The following ARHGAP39 variants were observed in gnomAD, a reference collection of about 807,000 sequenced individuals.
ARHGAP39 encodes the protein Rho GTPase activating protein 39.
Under a neutral mutation model 106.9 loss-of-function variants are expected in ARHGAP39, and 44 were observed. The observed-to-expected ratio is 0.41, with a 90% confidence interval of 0.32 to 0.53. The LOEUF (loss-of-function observed/expected upper bound fraction) is 0.53, where lower values mean the gene tolerates loss of function less well. Ranked by LOEUF, ARHGAP39 falls within the 20% of genes least tolerant of loss-of-function variation. The probability of loss-of-function intolerance (pLI) is 0.21; values close to 1 mark genes in which losing one functional copy is unlikely to be tolerated. For synonymous variants in ARHGAP39, 768 were observed against 693.2 expected (o/e 1.11, Z -1.69); for missense variants, 1,496 against 1,577.3 (o/e 0.95, Z 0.87).
chr8:144,573,145 C>A (rs1439532515), intron 3 of ARHGAP39, among the ~76,000 whole-genome samples: 1 of 152,226 alleles, frequency 6.6e-6, no homozygotes, highest in East Asian at 1.9e-4. Context: ...AAAAAAGACA[C>A]ATGCACATGT....
At chr8:144,530,903 G>A (rs1237777932) in intron 10 of ARHGAP39, 32 bp from the exon 11 acceptor site, 4 of 1,584,900 alleles carry the variant, frequency 2.5e-6, no homozygotes, top group African/African-American at 1.3e-5. Context: ...CAGCGGCCCT[G>A]CTCGGCGGGC....
In ARHGAP39 at chr8:144,581,237, G is replaced by A; in HGVS notation, c.121C>T (p.Arg41Cys). Residue 41 changes from arginine to cysteine, a missense_variant, in exon 3 of 12, where the codon CGC (arginine) becomes TGC (cysteine). Transcript: ENST00000377307. The stretch of plus-strand genomic sequence containing the variant: ...CCGGTGACCAGGTTGGCGTACATGC[G>A]CTCGCGGGTGCGCGGTTCGATGATC... Reference protein sequence around the residue: ...VEIIEPRTRERMYANLVTGEC... With the variant: ...VEIIEPRTRECMYANLVTGEC... The A allele has an allele frequency of 6.4e-7, 1 of 1,553,584 alleles. No homozygotes were observed.
intron 1 of ARHGAP39, among the ~76,000 whole-genome samples, chr8:144,669,419 A>C (rs1285179027): frequency 1.4e-5 from 2 of 144,158 alleles, no homozygotes; most frequent in African/African-American, 2.6e-5. Context: ...AGGCAGGAGA[A>C]TAGCGTGAAC....
intron 1 of ARHGAP39, among the ~76,000 whole-genome samples, chr8:144,666,666 CTA>C (rs1821973019): frequency 6.6e-6 from 1 of 152,184 alleles, no homozygotes; most frequent in Non-Finnish European, 1.5e-5. Flanking sequence ...TCACCTCCCG[CTA>C]TGATTCTGAG....
chr8:144,557,202 A>G (rs1206014678), intron 3 of ARHGAP39, among the ~76,000 whole-genome samples: 1 of 145,518 alleles, frequency 6.9e-6, no homozygotes, highest in Non-Finnish European at 1.5e-5. Flanking sequence ...CCTTCGTAGT[A>G]TTCAGAGGCA....
chr8:144,581,310 C>G, intron 2 of ARHGAP39, 33 bp from the exon 3 acceptor site: 1 of 1,510,884 alleles, frequency 6.6e-7, no homozygotes. Context: ...CGGCTGGAGC[C>G]ACGGCGGCCT....
intron 2 of ARHGAP39, among the ~76,000 whole-genome samples, chr8:144,598,052 G>C (rs1819689298): frequency 6.6e-6 from 1 of 152,254 alleles, no homozygotes; most frequent in Non-Finnish European, 1.5e-5. Context: ...CCACCCGCCA[G>C]CAGGGAAGGA....
chr8:144,553,980 G>C (rs752432252), intron 4 of ARHGAP39, among the ~76,000 whole-genome samples: 1 of 152,272 alleles, frequency 6.6e-6, no homozygotes, highest in African/African-American at 2.4e-5. Context: ...TGCAGCTGCT[G>C]GCCCTGTGTC....
At chr8:144,631,579 G>A (rs931372708) in intron 1 of ARHGAP39, among the ~76,000 whole-genome samples, 2 of 152,242 alleles carry the variant, frequency 1.3e-5, no homozygotes, top group African/African-American at 4.8e-5. Flanking sequence ...GTTGGTCTGT[G>A]TCATTCCTGT....
At chr8:144,583,483 G>T (rs1265871087) in intron 2 of ARHGAP39, among the ~76,000 whole-genome samples, 1 of 152,094 alleles carries the variant, frequency 6.6e-6, no homozygotes, top group Non-Finnish European at 1.5e-5. Flanking sequence ...GCCCACTAAG[G>T]TTCCCCACCG....
At chr8:144,674,115 C>T (rs1822171060) in intron 1 of ARHGAP39, among the ~76,000 whole-genome samples, 1 of 150,954 alleles carries the variant, frequency 6.6e-6, no homozygotes, top group Non-Finnish European at 1.5e-5. Context: ...TTACCTGCAA[C>T]GTGGTGAGTG....
rs777280521 is a variant in ARHGAP39, at chr8:144,585,454, G to A, written c.81-4177C>T. Among the ~76,000 whole-genome samples the A allele has an allele frequency of 3.3e-5, 5 of 151,562 alleles. No individual in the cohort carries two copies. Among genetic ancestry groups the A allele is most frequent in the Admixed American group, 6.6e-5 (1 of 15,224 alleles). ...AGCACCGGCTCACCGAGAACCTGGA[G>A]GGGCCAGCCAAGGGTTCCCAGCACT... On this transcript the variant is annotated intron_variant, in intron 2 of 11. Coordinates refer to ENST00000377307, the MANE Select transcript of ARHGAP39 (RefSeq NM_025251.3). The surrounding 1 kb of genome is among the most constrained non-coding windows in gnomAD (Gnocchi z 4.6).
At chr8:144,617,706 G>A (rs1563710502) in intron 1 of ARHGAP39, among the ~76,000 whole-genome samples, 1 of 152,114 alleles carries the variant, frequency 6.6e-6, no homozygotes, top group African/African-American at 2.4e-5. Context: ...CTCTCACCTG[G>A]CTTTGTTGGT....
intron 1 of ARHGAP39, among the ~76,000 whole-genome samples, chr8:144,608,192 GA>G (rs1820368407): frequency 7.0e-6 from 1 of 142,894 alleles, no homozygotes; most frequent in Non-Finnish European, 1.5e-5. Context: ...GGAAAAAGAA[GA>G]AGAAATGAAA....
In ARHGAP39 at chr8:144,547,241, C is replaced by T. The variant is rs1817470315; in HGVS notation, c.1845G>A (p.Arg615=). 6 of 1,612,664 alleles carry T rather than the reference C, an allele frequency of 3.7e-6. No individual in the cohort carries two copies. The highest frequency in any genetic ancestry group is 5.1e-6 in the Non-Finnish European group (6 of 1,179,822). ...EDEALAQQEN[R]HWRRGTFEKL... is the part of the protein sequence containing the mutation. ...TCTCGAAGGTGCCCCTCCTCCAGTGCCTGTTCTCCTGCTGGGCCAGCGCCT... is the reference window on the plus strand; with the variant it reads ...TCTCGAAGGTGCCCCTCCTCCAGTGTCTGTTCTCCTGCTGGGCCAGCGCCT... The change falls in exon 5 of 12, where the codon AGG becomes AGA. Residue 615 remains arginine, a synonymous_variant. Transcript: ENST00000377307. The surrounding 1 kb of genome is among the most constrained non-coding windows in gnomAD (Gnocchi z 5.2).
At chr8:144,673,593 ACTT>A (rs565568832) in intron 1 of ARHGAP39, among the ~76,000 whole-genome samples, 104 of 152,250 alleles carry the variant, frequency 6.8e-4, no homozygotes, top group Non-Finnish European at 1.2e-3. Flanking sequence ...CTACAGATTC[ACTT>A]CTTCTGGACA....
At chr8:144,576,774 G>A (rs1818794097) in intron 3 of ARHGAP39, among the ~76,000 whole-genome samples, 1 of 152,160 alleles carries the variant, frequency 6.6e-6, no homozygotes, top group African/African-American at 2.4e-5. Flanking sequence ...TTGAGGGAGA[G>A]TTATTTTTAA....
intron 1 of ARHGAP39, among the ~76,000 whole-genome samples, chr8:144,667,452 C>T (rs1448593445): frequency 6.6e-6 from 1 of 152,188 alleles, no homozygotes; most frequent in Non-Finnish European, 1.5e-5. Flanking sequence ...CTACCAACTA[C>T]TGCAGATGTC....
chr8:144,567,735 G>A (rs909297340), intron 3 of ARHGAP39, among the ~76,000 whole-genome samples: 4 of 152,214 alleles, frequency 2.6e-5, no homozygotes, highest in South Asian at 2.1e-4. Flanking sequence ...AAATAATGGC[G>A]TAAGTTGTTT....
Sources: allele counts gnomAD v4.1 joint callset (sites outside exome capture counted in the v4.1 genomes callset), GRCh38; gene constraint gnomAD v4.1.1; non-coding constraint Gnocchi (gnomAD v3.1); transcripts MANE v1.5; gene names NCBI Gene and HGNC (gene_info 2026-07-23, HGNC 2026-07-21).